XPOT: variants seen among roughly 807,000 people sequenced by gnomAD.
XPOT encodes exportin for tRNA.
XPOT carries 34 observed loss-of-function variants against 128.2 expected under a neutral mutation model. The ratio of observed to expected loss-of-function variants is 0.27; its 90% confidence interval spans 0.20 to 0.35. The LOEUF (loss-of-function observed/expected upper bound fraction) is 0.35, where lower values mean the gene tolerates loss of function less well. Ranked by LOEUF, XPOT falls within the 10% of genes least tolerant of loss-of-function variation. XPOT has a pLI of 1.00. For synonymous variants in XPOT, 348 were observed against 394.3 expected, an observed-to-expected ratio of 0.88 and a Z score of 1.39; for missense variants, 838 against 1,125.3, an observed-to-expected ratio of 0.74 and a Z score of 3.65.
rs775138007 is a variant in XPOT at position 64,420,071 on chromosome 12, A to C, written c.491A>C (p.Glu164Ala). The C allele has an allele frequency of 5.8e-6, 9 of 1,553,464 alleles. No homozygotes were observed. The Admixed American group carries it at 1.1e-4, about 19-fold the overall frequency. The change falls in exon 7 of 25, where the codon GAG (glutamate) becomes GCG (alanine). Residue 164 changes from glutamate (E) to alanine (A), a missense_variant and splice_region_variant. Around this residue, in one of 3 missense-constraint regions of XPOT, gnomAD observed 761 missense variants for 988.3 expected, o/e 0.77. Transcript: ENST00000332707. ...TGCATTTGGCGTTTTGTATTTTAGG[A>C]GGCTCGTAGGAATACTCTCATAAAA... is the stretch of plus-strand genomic sequence containing the variant. Reference protein sequence around the residue: ...VDRDVVHTSEEARRNTLIKDT... With the variant: ...VDRDVVHTSEAARRNTLIKDT...
intron 1 of XPOT, among the ~76,000 whole-genome samples, chr12:64,405,636 T>C (rs576027255): frequency 6.6e-6 from 1 of 152,378 alleles, no homozygotes; most frequent in African/African-American, 2.4e-5. Flanking sequence ...GTTGTTGTTT[T>C]GAGACGGAGT....
In XPOT at chr12:64,423,221, G is replaced by C; in HGVS notation, c.1159G>C (p.Glu387Gln). 6.3e-7 allele frequency: 1 copy of C among 1,593,492 alleles called. No individual in the cohort carries two copies. The highest frequency in any genetic ancestry group is 8.5e-7 in the Non-Finnish European group (1 of 1,174,628). ...CGTTATGAAAAAATTGACTTACGATGAAGAATATAACTTTGAAAATGAGGT... is the reference window on the plus strand; with the variant it reads ...CGTTATGAAAAAATTGACTTACGATCAAGAATATAACTTTGAAAATGAGGT... ...LAVMKKLTYD[E>Q]EYNFENEGED... Residue 387 changes from glutamate to glutamine, a missense_variant, in exon 11 of 25, where the codon GAA becomes CAA. Glu to Gln is a conservative substitution (Grantham distance 29, BLOSUM62 2). Transcript: ENST00000332707.
intron 23 of XPOT, among the ~76,000 whole-genome samples, chr12:64,441,046 T>C (rs1291360599): frequency 3.3e-5 from 5 of 152,196 alleles, no homozygotes; most frequent in African/African-American, 1.2e-4. Flanking sequence ...CTCCTATGTT[T>C]TCTTCTAGTT....
chr12:64,415,606 C>T (rs930038376), intron 3 of XPOT, among the ~76,000 whole-genome samples: 2 of 152,100 alleles, frequency 1.3e-5, no homozygotes, highest in African/African-American at 2.4e-5. Context: ...GTCTCGATCT[C>T]CTGACCTTGT....
At position 64,418,084 on chromosome 12, in the gene XPOT, G is replaced by A; in HGVS notation, c.239G>A (p.Arg80Lys). 1 of 1,613,398 alleles carries A rather than the reference G, an allele frequency of 6.2e-7. No individual in the cohort carries two copies. The highest frequency in any genetic ancestry group is 8.5e-7 in the Non-Finnish European group (1 of 1,179,660). The change falls in exon 5 of 25, where the codon AGG becomes AAG. Residue 80 changes from arginine to lysine, a missense_variant. By Grantham distance (26) the Arg-to-Lys change is conservative. Coordinates refer to ENST00000332707, the MANE Select transcript of XPOT (RefSeq NM_007235.6). ...ACCACTGTTCAACAACAGCTAATTA[G>A]GGAGACGCTCATATCATGGCTGCAA... ...ELTTVQQQLI[R>K]ETLISWLQAQ...
In XPOT at chr12:64,434,925, T is replaced by C; in HGVS notation, c.2685+16T>C. The C allele has an allele frequency of 2.5e-6, 4 of 1,602,228 alleles. No individual in the cohort carries two copies. The highest frequency in any genetic ancestry group is 3.4e-6 in the Non-Finnish European group (4 of 1,171,164). On this transcript the variant is annotated intron_variant, in intron 21 of 24. Transcript: ENST00000332707. ...AACAGTATTGGTAAGCACCTAGGAA[T>C]CTTTGTTTACCTTGTGTAGCTCATA...
chr12:64,419,989 T>G (rs1408647368), intron 6 of XPOT, 81 bp from the exon 7 acceptor site: 14 of 1,313,434 alleles, frequency 1.1e-5, no homozygotes, highest in African/African-American at 3.0e-5. Flanking sequence ...AGTCTGAAAG[T>G]TTACTCTCTG....
intron 2 of XPOT, among the ~76,000 whole-genome samples, chr12:64,413,275 A>G (rs2040057302): frequency 6.6e-6 from 1 of 152,042 alleles, no homozygotes; most frequent in African/African-American, 2.4e-5. Context: ...GCTAATTTTT[A>G]AATTTTTTGT....
chr12:64,427,085 G>T (rs1258257886), intron 15 of XPOT, among the ~76,000 whole-genome samples: 2 of 142,046 alleles, frequency 1.4e-5, no homozygotes, highest in African/African-American at 5.3e-5. Context: ...GTCAAGTCAT[G>T]CTTTGTCAGG....
chr12:64,428,139 A>G lies in XPOT; in HGVS notation c.1737+19A>G. 1.3e-6 allele frequency: 2 copies of G among 1,491,874 alleles called. No individual in the cohort carries two copies. Among genetic ancestry groups the G allele is most frequent in the South Asian group, 2.3e-5 (2 of 87,126 alleles). 92.4% of individuals were successfully genotyped at this position (1,491,874 alleles called of 1,614,324 possible). On this transcript the variant is annotated intron_variant, in intron 16 of 24. Transcript: ENST00000332707. Reference sequence around the variant, plus strand: ...TCCACCTGTAAGTATCTGTCTCTTTAAGATATTTTACCCAGAATTCATTGA... The same window carrying G: ...TCCACCTGTAAGTATCTGTCTCTTTGAGATATTTTACCCAGAATTCATTGA...
At chr12:64,418,010 A>G (rs1306266958) in intron 4 of XPOT, 36 bp from the exon 5 acceptor site, 5 of 1,543,034 alleles carry the variant, frequency 3.2e-6, no homozygotes, top group Non-Finnish European at 4.4e-6. Flanking sequence ...GACACCAAAT[A>G]TAGCCATTAT....
intron 11 of XPOT, 72 bp downstream of exon 11, chr12:64,423,316 C>A: frequency 1.9e-6 from 2 of 1,078,800 alleles, no homozygotes; most frequent in South Asian, 1.7e-5. Context: ...ATTTCAAGTT[C>A]TTATTGTTTC....
intron 23 of XPOT, 143 bp downstream of exon 23, chr12:64,439,458 T>C: frequency 1.4e-6 from 1 of 719,512 alleles, no homozygotes; most frequent in South Asian, 1.8e-5. Context: ...TTTATGCTTA[T>C]CACCATTTTG....
At position 64,421,376 on chromosome 12, in the gene XPOT, G is replaced by T; in HGVS notation, c.985G>T (p.Val329Leu). Residue 329 changes from valine (V) to leucine (L), a missense_variant, in exon 9 of 25, where the codon GTG (valine) becomes TTG (leucine). Val to Leu is a conservative substitution (Grantham distance 32). Around this residue, in one of 3 missense-constraint regions of XPOT, gnomAD observed 761 missense variants for 988.3 expected, o/e 0.77. Transcript: ENST00000332707. ...GGCACTACAAGCTATTGAAACAAAA[G>T]TGGCACTGATGTTGCAGCTACTAAT... ...QEALQAIETK[V>L]ALMLQLLIHE... The T allele has an allele frequency of 6.2e-7, 1 of 1,614,100 alleles. No homozygotes were observed. Among genetic ancestry groups the T allele is most frequent in the South Asian group, 1.1e-5 (1 of 91,082 alleles).
At chr12:64,408,776 C>G (rs1475705708) in intron 1 of XPOT, among the ~76,000 whole-genome samples, 1 of 152,134 alleles carries the variant, frequency 6.6e-6, no homozygotes, top group East Asian at 1.9e-4. Context: ...TGGGTTCAAG[C>G]GATTCTTGTG....
chr12:64,410,516 T>C (rs553389305), intron 2 of XPOT, among the ~76,000 whole-genome samples: 1 of 152,308 alleles, frequency 6.6e-6, no homozygotes, highest in African/African-American at 2.4e-5. Context: ...GAGATAGGGT[T>C]TCACCATCTT....
intron 14 of XPOT, 154 bp from the exon 15 acceptor site, chr12:64,425,661 C>A: frequency 1.1e-6 from 1 of 949,306 alleles, no homozygotes; most frequent in Non-Finnish European, 1.6e-6. Flanking sequence ...TCTCAAGGGA[C>A]TGTTTGTGTG....
rs140705696 is a variant in XPOT at position 64,430,256 on chromosome 12, G to A, written c.1945G>A (p.Asp649Asn). The A allele has an allele frequency of 1.4e-5, 22 of 1,605,804 alleles. No homozygotes were observed. In the African/African-American group the frequency reaches 2.6e-4, roughly 19 times the overall value. The change falls in exon 17 of 25, where the codon GAC (aspartate) becomes AAC (asparagine). Residue 649 changes from aspartate to asparagine, a missense_variant. Around this residue, in one of 3 missense-constraint regions of XPOT, gnomAD observed 761 missense variants for 988.3 expected, o/e 0.77. Coordinates refer to ENST00000332707, the MANE Select transcript of XPOT (RefSeq NM_007235.6). ...TGAAGAAAGGCAAGCCTCTCTAGCAGACTGTCTTAACCATGCTGTTGGATT... is the reference window on the plus strand; with the variant it reads ...TGAAGAAAGGCAAGCCTCTCTAGCAAACTGTCTTAACCATGCTGTTGGATT... ...QDEERQASLA[D>N]CLNHAVGFAS... is the part of the protein sequence containing the mutation.
intron 24 of XPOT, among the ~76,000 whole-genome samples, chr12:64,446,121 T>G (rs914910438): frequency 6.6e-6 from 1 of 152,122 alleles, no homozygotes; most frequent in Non-Finnish European, 1.5e-5. Flanking sequence ...AAAAGCAAAG[T>G]GCCTACAGGA....
Sources: allele counts gnomAD v4.1 joint callset (sites outside exome capture counted in the v4.1 genomes callset), GRCh38; gene constraint gnomAD v4.1.1; regional missense constraint gnomAD v4.1.1; transcripts MANE v1.5; gene names NCBI Gene and HGNC (gene_info 2026-07-23, HGNC 2026-07-21).